Variants in DNAH14 observed in about 807,000 individuals in gnomAD.
DNAH14 encodes axonemal beta dynein heavy chain 14.
In DNAH14, 478 loss-of-function variants were observed where a neutral mutation model predicts 520.9. The ratio of observed to expected loss-of-function variants is 0.92; its 90% CI spans 0.85 to 0.99. The LOEUF (loss-of-function observed/expected upper bound fraction) is 0.99, where lower values mean the gene tolerates loss of function less well. Ranked by LOEUF, DNAH14 falls within the 50% of genes least tolerant of loss-of-function variation. DNAH14 has a pLI of 0.00. For synonymous variants in DNAH14, 1,581 were observed against 1,757.2 expected, an observed-to-expected ratio of 0.90 and a Z score of 2.51; for missense variants, 4,831 against 5,234.5, an observed-to-expected ratio of 0.92 and a Z score of 2.38.
At chr1:225,271,640 C>A (rs1320136272) in intron 50 of DNAH14, among the ~76,000 whole-genome samples, 2 of 152,152 alleles carry the variant, frequency 1.3e-5, no homozygotes, top group Non-Finnish European at 2.9e-5. Flanking sequence ...AGAGGTGAAG[C>A]ATAAATTGTC....
At chr1:225,341,405 C>T (rs909393972) in intron 69 of DNAH14, among the ~76,000 whole-genome samples, 26 of 152,246 alleles carry the variant, frequency 1.7e-4, no homozygotes, top group Non-Finnish European at 2.2e-4. Flanking sequence ...GTGGATCACC[C>T]GAGGTCAGGA....
intron 71 of DNAH14, among the ~76,000 whole-genome samples, chr1:225,351,173 A>G (rs940678322): frequency 1.3e-5 from 2 of 152,066 alleles, no homozygotes; most frequent in Non-Finnish European, 2.9e-5. Flanking sequence ...GGAGGTCAAG[A>G]TTGGGGGCAG....
In DNAH14 at chr1:225,137,936, T is replaced by A. The variant is rs139352651; in HGVS notation, c.4255-2832T>A. On this transcript the variant is annotated intron_variant, in intron 27 of 85. Transcript: ENST00000682510. ...CGGGGATCTCCCTCCCGGGAAGAGA[T>A]CTCTGTCCACAGAACTGGAGACCCC... 4.3e-3 allele frequency among the ~76,000 whole-genome samples: 654 copies of A among 152,220 alleles called. 3 individuals carry two copies. The highest frequency in any genetic ancestry group is 0.015 in the African/African-American group (622 of 41,530).
intron 31 of DNAH14, among the ~76,000 whole-genome samples, chr1:225,147,764 T>A (rs1436988709): frequency 6.6e-6 from 1 of 152,096 alleles, no homozygotes; most frequent in Non-Finnish European, 1.5e-5. Flanking sequence ...ATTAGTAAAT[T>A]TTTCTGATTG....
At chr1:225,148,267 CCTT>C (rs761519372) in intron 31 of DNAH14, among the ~76,000 whole-genome samples, 58 of 152,190 alleles carry the variant, frequency 3.8e-4, no homozygotes, top group Non-Finnish European at 7.2e-4. Context: ...TATAAGTGTT[CCTT>C]CTTCTCTACA....
At chr1:225,022,713 A>G (rs898081248) in intron 10 of DNAH14, among the ~76,000 whole-genome samples, 2 of 152,206 alleles carry the variant, frequency 1.3e-5, no homozygotes, top group Non-Finnish European at 2.9e-5. Flanking sequence ...AAAGAGAACT[A>G]CCATTCAACT....
intron 54 of DNAH14, among the ~76,000 whole-genome samples, chr1:225,278,845 G>A (rs541247837): frequency 4.6e-5 from 7 of 152,244 alleles, no homozygotes; most frequent in African/African-American, 1.7e-4. Context: ...ACACTCAACT[G>A]GAATCTGGCC....
At chr1:225,274,274 T>C (rs2928387) in intron 52 of DNAH14, among the ~76,000 whole-genome samples, 27,704 of 145,114 alleles carry the variant, frequency 0.19, 2,749 homozygotes, top group East Asian at 0.36. Context: ...GCGCGATCTC[T>C]GCTCACTGCA....
At chr1:225,012,752 T>C (rs2064893404) in intron 10 of DNAH14, among the ~76,000 whole-genome samples, 1 of 152,200 alleles carries the variant, frequency 6.6e-6, no homozygotes, top group Non-Finnish European at 1.5e-5. Flanking sequence ...TTGATTGCTT[T>C]GGCTGTTGAT....
intron 27 of DNAH14, among the ~76,000 whole-genome samples, chr1:225,135,867 G>A (rs1442258162): frequency 6.6e-6 from 1 of 151,702 alleles, no homozygotes; most frequent in African/African-American, 2.4e-5. Context: ...TATATTTAGG[G>A]TAGTTATCAC....
chr1:225,001,792 A>G (rs1180103065), intron 8 of DNAH14, among the ~76,000 whole-genome samples: 1 of 152,152 alleles, frequency 6.6e-6, no homozygotes, highest in Non-Finnish European at 1.5e-5. Flanking sequence ...TTTACTTTCT[A>G]TGATGTGCCA....
chr1:225,086,570 G>A (rs2073830891), intron 21 of DNAH14, among the ~76,000 whole-genome samples: 1 of 151,824 alleles, frequency 6.6e-6, no homozygotes, highest in Non-Finnish European at 1.5e-5. Flanking sequence ...GGGAGAGAGA[G>A]AAAGTATATA....
chr1:225,093,116 C>G (rs961010519), intron 21 of DNAH14, among the ~76,000 whole-genome samples: 1 of 152,032 alleles, frequency 6.6e-6, no homozygotes, highest in Non-Finnish European at 1.5e-5. Flanking sequence ...CCAAAAAGTT[C>G]AGGAGGAGGG....
intron 77 of DNAH14, among the ~76,000 whole-genome samples, chr1:225,373,881 T>C (rs2095651159): frequency 6.6e-6 from 1 of 151,646 alleles, no homozygotes; most frequent in African/African-American, 2.4e-5. Flanking sequence ...ATCTCAGCAC[T>C]TTGGGAGGCC....
intron 60 of DNAH14, among the ~76,000 whole-genome samples, chr1:225,309,886 G>A (rs894842351): frequency 6.6e-6 from 1 of 151,920 alleles, no homozygotes; most frequent in Non-Finnish European, 1.5e-5. Context: ...AGCAAGACTC[G>A]GAGGGGGGAG....
At chr1:225,138,107 C>T (rs991924904) in intron 27 of DNAH14, among the ~76,000 whole-genome samples, 12 of 152,180 alleles carry the variant, frequency 7.9e-5, no homozygotes, top group African/African-American at 2.9e-4. Flanking sequence ...CTGCCCCTCC[C>T]CCTGGGAGTT....
Position 225,002,850 on chromosome 1 carries a change from G to A in DNAH14, c.898G>A (p.Gly300Arg). The A allele has an allele frequency of 6.5e-7, 1 of 1,549,424 alleles. No individual in the cohort carries two copies. The highest frequency in any genetic ancestry group is 8.7e-7 in the Non-Finnish European group (1 of 1,145,768). ...TCAAACCTGTTTGGTTTATATAAGAGGACTTTGTGAAGATGCAATTAATCT... is the reference window on the plus strand; with the variant it reads ...TCAAACCTGTTTGGTTTATATAAGAAGACTTTGTGAAGATGCAATTAATCT... ...LFQTCLVYIR[G>R]LCEDAINLKN... The change falls in exon 9 of 86, where the codon GGA becomes AGA. Residue 300 changes from glycine to arginine, a missense_variant. Transcript: ENST00000682510.
In DNAH14 at chr1:225,207,573, C is replaced by T. The variant is rs546203002; in HGVS notation, c.6439+353C>T. Reference sequence around the variant, plus strand: ...GGTGTAAGTTGTAATCACACAAAGGCGTAATCATGAAAAGTAGTAAAACAT... The same window carrying T: ...GGTGTAAGTTGTAATCACACAAAGGTGTAATCATGAAAAGTAGTAAAACAT... On this transcript the variant is annotated intron_variant, in intron 41 of 85. Coordinates refer to ENST00000682510, the MANE Select transcript of DNAH14 (RefSeq NM_001367479.1). Among the ~76,000 whole-genome samples, 7 of 152,086 alleles carry T rather than the reference C, an allele frequency of 4.6e-5. No homozygotes were observed. The East Asian group carries it at 5.8e-4, about 13-fold the overall frequency.
chr1:224,950,693 G>T (rs191060531), intron 1 of DNAH14, among the ~76,000 whole-genome samples: 2 of 152,306 alleles, frequency 1.3e-5, no homozygotes, highest in East Asian at 3.9e-4. Context: ...GCAAATGATG[G>T]CCTATCGGCC....
Sources: allele counts gnomAD v4.1 joint callset (sites outside exome capture counted in the v4.1 genomes callset), GRCh38; gene constraint gnomAD v4.1.1; transcripts MANE v1.5; gene names NCBI Gene and HGNC (gene_info 2026-07-23, HGNC 2026-07-21).